The following TBL1XR1 variants were observed in gnomAD, a reference collection of about 807,000 sequenced individuals.
The protein encoded by TBL1XR1 is TBL1X/Y related 1.
In TBL1XR1, 5 loss-of-function variants were observed where a neutral mutation model predicts 66.9. The observed-to-expected ratio is 0.07, with a 90% CI of 0.04 to 0.16. The LOEUF is 0.16. Ranked by LOEUF, TBL1XR1 falls within the 10% of genes least tolerant of loss-of-function variation. The pLI, the probability that TBL1XR1 is intolerant of heterozygous loss-of-function variation, is 1.00. For synonymous variants in TBL1XR1, 210 were observed against 206.0 expected (o/e 1.02, Z -0.17); for missense variants, 238 against 623.2 (o/e 0.38, Z 6.58).
intron 1 of TBL1XR1, among the ~76,000 whole-genome samples, chr3:177,124,679 G>C (rs1222654456): frequency 6.6e-6 from 1 of 151,896 alleles, no homozygotes; most frequent in East Asian, 1.9e-4. Context: ...TCCTAAAAGG[G>C]AACACAGTGC....
intron 1 of TBL1XR1, among the ~76,000 whole-genome samples, chr3:177,157,969 C>T (rs1011825582): frequency 6.6e-6 from 1 of 152,060 alleles, no homozygotes; most frequent in Admixed American, 6.5e-5. Context: ...ATCATAAATA[C>T]TATCCTCGTT....
At position 177,019,456 on chromosome 3, in the gene TBL1XR1, A is replaced by C. The variant is rs886230874; in HGVS notation, c.*6042T>G. The C allele has an allele frequency of 1.3e-5, 2 of 152,208 alleles. No individual in the cohort carries two copies. Among genetic ancestry groups the C allele is most frequent in the Non-Finnish European group, 2.9e-5 (2 of 68,042 alleles). 9.4% of individuals were successfully genotyped at this position (152,208 alleles called of 1,614,324 possible). ...ATACAAAAATATTACAAGTTAGGAC[A>C]ATTAAGCATTAAGATGACATTTAAG... On this transcript the variant is annotated 3_prime_UTR_variant, in exon 16 of 16. Transcript: ENST00000457928.
At chr3:177,183,667 C>T in intron 1 of TBL1XR1, among the ~76,000 whole-genome samples, 1 of 152,034 alleles carries the variant, frequency 6.6e-6, no homozygotes, top group East Asian at 1.9e-4. Context: ...GCCACTACAC[C>T]TTGCGAATTT....
chr3:177,059,427 G>C (rs1358467794), intron 3 of TBL1XR1, among the ~76,000 whole-genome samples: 1 of 152,136 alleles, frequency 6.6e-6, no homozygotes, highest in Non-Finnish European at 1.5e-5. Flanking sequence ...ATACATAAAG[G>C]TTAGTTTGTG....
intron 3 of TBL1XR1, 35 bp downstream of exon 3, chr3:177,064,885 A>G: frequency 2.3e-6 from 3 of 1,294,744 alleles, no homozygotes; most frequent in South Asian, 2.7e-5. Context: ...ATATTAAAAT[A>G]ATTTGAGGCC....
chr3:177,044,954 T>C (rs1716121293), intron 10 of TBL1XR1: 1 of 152,110 alleles, frequency 6.6e-6, no homozygotes, highest in Admixed American at 6.6e-5. Context: ...TTCTGAAAAC[T>C]AGAAGCAAAG....
At chr3:177,091,008 A>C (rs1577135084) in intron 2 of TBL1XR1, 1 of 151,942 alleles carries the variant, frequency 6.6e-6, no homozygotes, top group Non-Finnish European at 1.5e-5. Context: ...AAGAAAGAAA[A>C]AGAAAAGAGG....
intron 12 of TBL1XR1, among the ~76,000 whole-genome samples, chr3:177,036,107 G>A (rs556591599): frequency 1.3e-5 from 2 of 152,276 alleles, no homozygotes; most frequent in East Asian, 1.9e-4. Context: ...GAACCAGGCC[G>A]CGTTCAGCCA....
intron 1 of TBL1XR1, among the ~76,000 whole-genome samples, chr3:177,111,673 G>GA (rs1473492138): frequency 1.3e-5 from 2 of 152,106 alleles, no homozygotes; most frequent in Non-Finnish European, 2.9e-5. Flanking sequence ...GCTGTTTTAA[G>GA]AATGCATCAC....
intron 1 of TBL1XR1, among the ~76,000 whole-genome samples, chr3:177,181,769 A>G (rs963701680): frequency 6.6e-6 from 1 of 152,032 alleles, no homozygotes; most frequent in African/African-American, 2.4e-5. Flanking sequence ...TCAGAAAAAA[A>G]GCCAGGCAAG....
At chr3:177,030,883 G>A (rs570777649) in intron 14 of TBL1XR1, among the ~76,000 whole-genome samples, 6 of 152,260 alleles carry the variant, frequency 3.9e-5, no homozygotes, top group Non-Finnish European at 7.4e-5. Flanking sequence ...AGGCCAAGGC[G>A]GGTGGATGAC....
chr3:177,076,850 A>T (rs1307834237), intron 2 of TBL1XR1, among the ~76,000 whole-genome samples: 2 of 152,214 alleles, frequency 1.3e-5, no homozygotes, highest in Non-Finnish European at 2.9e-5. Context: ...CCTGAAATAG[A>T]GTTATTCATC....
At chr3:177,158,430 T>C (rs1731785329) in intron 1 of TBL1XR1, among the ~76,000 whole-genome samples, 1 of 152,050 alleles carries the variant, frequency 6.6e-6, no homozygotes, top group South Asian at 2.1e-4. Context: ...AGTTTCACCA[T>C]GTTGGCCAGG....
In TBL1XR1 at chr3:177,071,733, C is replaced by G. The variant is rs73039631; in HGVS notation, c.-45-6711G>C. ...ATTGACACATACAGATGTGCACTCA[C>G]ACACAACCCAGCTACTAGTAAACCC... On this transcript the variant is annotated intron_variant, in intron 2 of 15. Coordinates refer to ENST00000457928, the MANE Select transcript of TBL1XR1 (RefSeq NM_024665.7). 3.0e-3 allele frequency among the ~76,000 whole-genome samples: 450 copies of G among 152,280 alleles called. 5 individuals carry two copies. The highest frequency in any genetic ancestry group is 0.011 in the African/African-American group (437 of 41,532).
upstream of TBL1XR1, among the ~76,000 whole-genome samples, chr3:177,197,746 G>A (rs936831343): frequency 7.5e-5 from 11 of 146,520 alleles, no homozygotes; most frequent in Non-Finnish European, 1.4e-4. Flanking sequence ...TCTCCTTCCC[G>A]GCCCGCTCTG....
intron 2 of TBL1XR1, among the ~76,000 whole-genome samples, chr3:177,088,555 G>A (rs768746168): frequency 6.6e-6 from 1 of 152,110 alleles, no homozygotes; most frequent in South Asian, 2.1e-4. Flanking sequence ...TTAAATCCAT[G>A]TAAGAAGCCA....
intron 1 of TBL1XR1, among the ~76,000 whole-genome samples, chr3:177,115,682 T>C (rs561743673): frequency 1.3e-5 from 2 of 152,344 alleles, no homozygotes; most frequent in African/African-American, 2.4e-5. Flanking sequence ...CCAAAATTTA[T>C]AATTGAACAT....
intron 1 of TBL1XR1, among the ~76,000 whole-genome samples, chr3:177,139,801 T>A (rs1296782616): frequency 6.6e-6 from 1 of 152,062 alleles, no homozygotes; most frequent in African/African-American, 2.4e-5. Context: ...TGAAGAATGA[T>A]TCAGTTGTCA....
chr3:177,070,679 T>A (rs1719859388), intron 2 of TBL1XR1, among the ~76,000 whole-genome samples: 1 of 151,910 alleles, frequency 6.6e-6, no homozygotes, highest in Non-Finnish European at 1.5e-5. Context: ...CGAAACCCCA[T>A]CTCTACTAAA....
Sources: allele counts gnomAD v4.1 joint callset (sites outside exome capture counted in the v4.1 genomes callset), GRCh38; gene constraint gnomAD v4.1.1; transcripts MANE v1.5; gene names NCBI Gene and HGNC (gene_info 2026-07-23, HGNC 2026-07-21).